Variants in KCNH5 observed in about 807,000 individuals in gnomAD.
KCNH5 encodes the protein potassium voltage-gated channel subfamily H member 5.
KCNH5 carries 46 observed loss-of-function variants against 96.1 expected under a neutral mutation model. The ratio of observed to expected loss-of-function variants is 0.48; its 90% CI spans 0.38 to 0.61. The LOEUF (loss-of-function observed/expected upper bound fraction) is 0.61. Among genes scored for constraint, KCNH5 ranks in the 20% least tolerant of loss-of-function variants. The probability of loss-of-function intolerance (pLI) is 0.00; values close to 1 mark genes in which losing one functional copy is unlikely to be tolerated. For missense variants in KCNH5, 907 were observed against 1,225.8 expected (o/e 0.74, Z 3.88); for synonymous variants, 439 against 449.8 (o/e 0.98, Z 0.30).
intron 7 of KCNH5, among the ~76,000 whole-genome samples, chr14:62,926,034 T>A (rs1007546708): frequency 2.6e-5 from 4 of 152,114 alleles, no homozygotes; most frequent in Non-Finnish European, 5.9e-5. Flanking sequence ...ATAAATATTG[T>A]ACGAATGCTT....
chr14:62,923,315 T>C (rs1158642846), intron 7 of KCNH5, among the ~76,000 whole-genome samples: 3 of 151,778 alleles, frequency 2.0e-5, no homozygotes, highest in Non-Finnish European at 4.4e-5. Flanking sequence ...GTGAAAGAAA[T>C]TGAAGAAGAC....
chr14:62,985,519 C>A (rs2139573440), intron 5 of KCNH5, among the ~76,000 whole-genome samples: 1 of 152,230 alleles, frequency 6.6e-6, no homozygotes, highest in Non-Finnish European at 1.5e-5. Flanking sequence ...GTAAAAGTTA[C>A]CTGAGAATAT....
chr14:62,887,652 T>C lies in KCNH5; in HGVS notation c.1370-37800A>G, dbSNP rs79382909. The stretch of plus-strand genomic sequence containing the variant: ...AAGCCTTGAAGCTGGGGTCAGAATA[T>C]AGCGTTCCAGCTTCTGGGTCAGAGA... On this transcript the variant is annotated intron_variant, in intron 7 of 10. Coordinates refer to ENST00000322893, the MANE Select transcript of KCNH5 (RefSeq NM_139318.5). Among the ~76,000 whole-genome samples, 65 of 152,148 alleles carry C rather than the reference T, an allele frequency of 4.3e-4. 2 individuals are homozygous for C. Among genetic ancestry groups the C allele is most frequent in the African/African-American group, 1.3e-3 (54 of 41,518 alleles).
chr14:62,766,908 A>C (rs746149970), intron 10 of KCNH5, among the ~76,000 whole-genome samples: 4 of 152,134 alleles, frequency 2.6e-5, no homozygotes, highest in Non-Finnish European at 4.4e-5. Context: ...ATTATTTCAC[A>C]TTGCATGCCT....
chr14:63,014,693 G>A (rs28416602), intron 2 of KCNH5, among the ~76,000 whole-genome samples: 7,244 of 152,128 alleles, frequency 0.048, 198 homozygotes, highest in East Asian at 0.062. Context: ...AGGCAAGTTA[G>A]TTTAAGGCCA....
intron 10 of KCNH5, among the ~76,000 whole-genome samples, chr14:62,769,560 G>A (rs1397823287): frequency 6.6e-6 from 1 of 152,208 alleles, no homozygotes; most frequent in African/African-American, 2.4e-5. Context: ...TGGTGCTGCA[G>A]GACTGTGCAG....
chr14:62,844,746 A>G lies in KCNH5; in HGVS notation c.1569+4907T>C, dbSNP rs571617820. Among the ~76,000 whole-genome samples, 26 of 152,338 alleles carry G rather than the reference A, an allele frequency of 1.7e-4. No homozygotes were observed. The Middle Eastern group carries it at 0.017, about 100-fold the overall frequency. On this transcript the variant is annotated intron_variant, in intron 8 of 10. Coordinates refer to ENST00000322893, the MANE Select transcript of KCNH5 (RefSeq NM_139318.5). ...AAACTTTCATGATAGAAATGCTGCA[A>G]TCTCCACATCAGTACAGATTTTAAT...
chr14:62,974,006 AT>A (rs1207310603), intron 6 of KCNH5, among the ~76,000 whole-genome samples: 1 of 152,220 alleles, frequency 6.6e-6, no homozygotes, highest in Non-Finnish European at 1.5e-5. Context: ...TAACGTAATT[AT>A]ACAGGATAAA....
intron 6 of KCNH5, among the ~76,000 whole-genome samples, chr14:62,971,885 G>A (rs1223859510): frequency 1.3e-5 from 2 of 151,924 alleles, no homozygotes; most frequent in Non-Finnish European, 2.9e-5. Context: ...AATAAAAAAT[G>A]CAAAACTATA....
chr14:62,847,828 G>A (rs1887729217), intron 8 of KCNH5, among the ~76,000 whole-genome samples: 2 of 152,172 alleles, frequency 1.3e-5, no homozygotes, highest in Admixed American at 1.3e-4. Context: ...ATTTAAGGCA[G>A]TCCATGGTAG....
At chr14:62,984,041 T>G (rs533264349) in intron 5 of KCNH5, among the ~76,000 whole-genome samples, 2 of 152,206 alleles carry the variant, frequency 1.3e-5, no homozygotes, top group African/African-American at 4.8e-5. Flanking sequence ...CTTTTTCATA[T>G]GCAAAGCACT....
chr14:62,872,334 T>A (rs1027950379), intron 7 of KCNH5, among the ~76,000 whole-genome samples: 4 of 152,230 alleles, frequency 2.6e-5, no homozygotes, highest in Non-Finnish European at 5.9e-5. Flanking sequence ...TGGCAAATGT[T>A]AAGGAGCAAG....
intron 10 of KCNH5, among the ~76,000 whole-genome samples, chr14:62,776,082 C>A (rs1886089270): frequency 6.6e-6 from 1 of 152,112 alleles, no homozygotes; most frequent in African/African-American, 2.4e-5. Context: ...GCCTGACCAA[C>A]ATGGTGAAAC....
intron 6 of KCNH5, among the ~76,000 whole-genome samples, chr14:62,972,140 T>TTAAAA (rs1166261624): frequency 6.6e-6 from 1 of 152,050 alleles, no homozygotes; most frequent in Non-Finnish European, 1.5e-5. Flanking sequence ...TAAAAAGAAC[T>TTAAAA]CTTAAAACAA....
At chr14:62,813,536 A>C (rs1414028531) in intron 8 of KCNH5, among the ~76,000 whole-genome samples, 4 of 152,216 alleles carry the variant, frequency 2.6e-5, no homozygotes, top group Non-Finnish European at 5.9e-5. Context: ...GGAATAATTC[A>C]GTATCAGCTA....
At chr14:63,009,911 G>A (rs111247935) in intron 2 of KCNH5, among the ~76,000 whole-genome samples, 2,150 of 152,130 alleles carry the variant, frequency 0.014, 42 homozygotes, top group African/African-American at 0.039. Context: ...AGTAATCAAC[G>A]GGCTTTAGAA....
Position 62,987,177 on chromosome 14 carries a change from T to C in KCNH5, c.444A>G (p.Lys148=). 1.2e-6 allele frequency: 2 copies of C among 1,612,986 alleles called. No homozygotes were observed. The highest frequency in any genetic ancestry group is 1.7e-6 in the Non-Finnish European group (2 of 1,179,164). Residue 148 remains lysine, a synonymous_variant, in exon 5 of 11, where the codon AAA becomes AAG. Coordinates refer to ENST00000322893, the MANE Select transcript of KCNH5 (RefSeq NM_139318.5). ...IEDDSTKGWT[K]FARLTRALTN... ...TCAAAGCCCGTGTCAATCGGGCAAA[T>C]TTCGTCCAACCTTAAAAATAAGGAA...
intron 7 of KCNH5, among the ~76,000 whole-genome samples, chr14:62,939,446 A>C (rs1267616956): frequency 1.3e-5 from 2 of 152,084 alleles, no homozygotes; most frequent in Non-Finnish European, 2.9e-5. Context: ...CTAACCACCT[A>C]ATGAACATTT....
chr14:62,909,569 A>C (rs926263764), intron 7 of KCNH5, among the ~76,000 whole-genome samples: 7 of 152,180 alleles, frequency 4.6e-5, no homozygotes, highest in Non-Finnish European at 7.3e-5. Flanking sequence ...ATTGGTCAGA[A>C]AACATCCAGT....
Sources: allele counts gnomAD v4.1 joint callset (sites outside exome capture counted in the v4.1 genomes callset), GRCh38; gene constraint gnomAD v4.1.1; transcripts MANE v1.5; gene names NCBI Gene and HGNC (gene_info 2026-07-23, HGNC 2026-07-21).